ZMYM1: variants seen among roughly 807,000 people sequenced by gnomAD.
ZMYM1 encodes zinc finger MYM-type containing 1, also known as zinc finger MYM-type protein 1.
ZMYM1 carries 39 observed loss-of-function variants against 60.0 expected under a neutral mutation model. That is an observed-to-expected ratio of 0.65 (90% CI 0.50 to 0.85). The LOEUF (loss-of-function observed/expected upper bound fraction) is 0.85. ZMYM1 is among the 40% of genes least tolerant of loss of function. ZMYM1 has a pLI of 0.00. For missense variants in ZMYM1, 1,171 were observed against 1,309.5 expected (o/e 0.89, Z 1.63); for synonymous variants, 413 against 454.0 (o/e 0.91, Z 1.15).
At chr1:35,073,659 A>G (rs1418922682) in intron 1 of ZMYM1, among the ~76,000 whole-genome samples, 4 of 151,610 alleles carry the variant, frequency 2.6e-5, no homozygotes, top group Non-Finnish European at 4.4e-5. Context: ...AAAAAAAGGA[A>G]AGGAAAGGAG....
At chr1:35,071,394 G>A (rs1024991151) in intron 1 of ZMYM1, among the ~76,000 whole-genome samples, 10 of 152,022 alleles carry the variant, frequency 6.6e-5, no homozygotes, top group South Asian at 2.1e-4. Context: ...ATGGAATGGC[G>A]CAATCATGGC....
At chr1:35,091,112 G>A (rs946360909) in intron 1 of ZMYM1, among the ~76,000 whole-genome samples, 1 of 152,156 alleles carries the variant, frequency 6.6e-6, no homozygotes, top group African/African-American at 2.4e-5. Context: ...ACAGGTTTGT[G>A]GGGGTAATAA....
At chr1:35,060,080 A>T (rs1641843152) in intron 1 of ZMYM1, among the ~76,000 whole-genome samples, 1 of 152,018 alleles carries the variant, frequency 6.6e-6, no homozygotes, top group African/African-American at 2.4e-5. Flanking sequence ...GGATGAAATA[A>T]ATGTTGGCCT....
At chr1:35,103,371 G>A (rs973273504) in intron 4 of ZMYM1, among the ~76,000 whole-genome samples, 2 of 152,070 alleles carry the variant, frequency 1.3e-5, no homozygotes, top group African/African-American at 4.8e-5. Context: ...TTGTGACAGG[G>A]TATTATTACT....
intron 6 of ZMYM1, among the ~76,000 whole-genome samples, chr1:35,109,995 G>T (rs150844007): frequency 0.016 from 2,482 of 152,184 alleles, 77 homozygotes; most frequent in African/African-American, 0.056. Flanking sequence ...TGATCTGCCT[G>T]CTTTGGCCTC....
chr1:35,106,288 ACT>A (rs1251169403), intron 6 of ZMYM1, among the ~76,000 whole-genome samples: 1 of 151,860 alleles, frequency 6.6e-6, no homozygotes, highest in Non-Finnish European at 1.5e-5. Context: ...TTGAGACCCA[ACT>A]CTATCCCTAT....
chr1:35,089,152 G>A (rs1473387722), intron 1 of ZMYM1, among the ~76,000 whole-genome samples: 1 of 152,052 alleles, frequency 6.6e-6, no homozygotes, highest in Non-Finnish European at 1.5e-5. Flanking sequence ...ATTTGAAGGA[G>A]TTGCAAGATG....
At chr1:35,071,422 T>C (rs557838523) in intron 1 of ZMYM1, among the ~76,000 whole-genome samples, 99 of 152,236 alleles carry the variant, frequency 6.5e-4, no homozygotes, top group African/African-American at 2.4e-3. Flanking sequence ...AGCTTTGACT[T>C]CCCAGGCTCA....
chr1:35,063,710 T>G (rs1641916908), intron 1 of ZMYM1, among the ~76,000 whole-genome samples: 1 of 152,180 alleles, frequency 6.6e-6, no homozygotes, highest in Non-Finnish European at 1.5e-5. Flanking sequence ...GAAATAGGGT[T>G]TGCTGAACAT....
In ZMYM1 at chr1:35,071,191, A is replaced by G. The variant is rs530407612; in HGVS notation, c.-300-7803A>G. Among the ~76,000 whole-genome samples, 6 of 152,014 alleles carry G rather than the reference A, an allele frequency of 3.9e-5. No individual in the cohort carries two copies. The East Asian group carries it at 5.8e-4, about 15-fold the overall frequency. On this transcript the variant is annotated intron_variant, in intron 1 of 10. Coordinates refer to the ZMYM1 transcript ENST00000417119. ...CATGAGCCACTGTGCCCAGCCTTCT[A>G]TTTGTTAATGTGATATATCATATTG...
chr1:35,078,195 TATA>T (rs1642202494), upstream of ZMYM1, among the ~76,000 whole-genome samples: 1 of 152,216 alleles, frequency 6.6e-6, no homozygotes, highest in African/African-American at 2.4e-5. Context: ...CAGTTACTCG[TATA>T]ATATTTCAAA....
chr1:35,062,069 A>G (rs780254190), intron 1 of ZMYM1, among the ~76,000 whole-genome samples: 8 of 152,028 alleles, frequency 5.3e-5, no homozygotes, highest in Non-Finnish European at 1.0e-4. Flanking sequence ...TGACCTCGTG[A>G]TCTGCCCATC....
At chr1:35,118,576 G>A (rs1263690655), downstream of ZMYM1, among the ~76,000 whole-genome samples, 1 of 152,044 alleles carries the variant, frequency 6.6e-6, no homozygotes, top group Admixed American at 6.5e-5. Context: ...GCGCAGTGGT[G>A]GGTGCCTGTA....
chr1:35,106,673 G>C (rs1260462257), intron 6 of ZMYM1, among the ~76,000 whole-genome samples: 3 of 147,554 alleles, frequency 2.0e-5, no homozygotes, highest in African/African-American at 7.6e-5. Flanking sequence ...AATTCAAATA[G>C]ATCATTTGTG....
chr1:35,112,131 G>A lies in ZMYM1; in HGVS notation c.1146+1G>A. 3 of 1,613,106 alleles carry A rather than the reference G, an allele frequency of 1.9e-6. No individual in the cohort carries two copies. The highest frequency in any genetic ancestry group is 1.1e-5 in the South Asian group (1 of 90,946). On this transcript the variant is annotated splice_donor_variant, in intron 9 of 9. Transcript: ENST00000359858. LOFTEE classifies it high-confidence loss of function. Reference sequence around the variant, plus strand: ...AGCAACAGCAGATGTCATTGTGGATGTAAGTTTTAACTTTTTTTACCACTG... The same window carrying A: ...AGCAACAGCAGATGTCATTGTGGATATAAGTTTTAACTTTTTTTACCACTG...
intron 3 of ZMYM1, among the ~76,000 whole-genome samples, chr1:35,096,295 G>C (rs1643314285): frequency 6.7e-6 from 1 of 148,418 alleles, no homozygotes; most frequent in African/African-American, 2.5e-5. Flanking sequence ...CTGGGCAACA[G>C]AGCGAGACTC....
At chr1:35,065,533 C>T (rs11263994) in intron 1 of ZMYM1, among the ~76,000 whole-genome samples, 20,980 of 151,390 alleles carry the variant, frequency 0.14, 4,685 homozygotes, top group African/African-American at 0.47. Flanking sequence ...ACACATGAAT[C>T]TTCGGCTGTG....
At chr1:35,091,940 TTTTGAGATGGAGTCTC>T (rs1452867871) in intron 1 of ZMYM1, among the ~76,000 whole-genome samples, 2 of 151,434 alleles carry the variant, frequency 1.3e-5, no homozygotes, top group Non-Finnish European at 2.9e-5. Context: ...GTTTGTTTTG[TTTTGAGATGGAGTCTC>T]GCTCTGTCTC....
chr1:35,069,926 G>T (rs1356064594), intron 1 of ZMYM1, among the ~76,000 whole-genome samples: 1 of 152,126 alleles, frequency 6.6e-6, no homozygotes, highest in African/African-American at 2.4e-5. Flanking sequence ...TGGGCTTTCT[G>T]TTCTGTTCTA....
Sources: allele counts gnomAD v4.1 joint callset (sites outside exome capture counted in the v4.1 genomes callset), GRCh38; gene constraint gnomAD v4.1.1; transcripts MANE v1.5; gene names NCBI Gene and HGNC (gene_info 2026-07-23, HGNC 2026-07-21).